NCAM2: variants seen among roughly 807,000 people sequenced by gnomAD.
The protein encoded by NCAM2 is neural cell adhesion molecule 2.
In NCAM2, 30 loss-of-function variants were observed where a neutral mutation model predicts 98.1. That is an observed-to-expected ratio of 0.31 (90% confidence interval 0.23 to 0.41). The LOEUF is 0.41. Ranked by LOEUF, NCAM2 falls within the 10% of genes least tolerant of loss-of-function variation. The probability of loss-of-function intolerance (pLI) is 1.00; values close to 1 mark genes in which losing one functional copy is unlikely to be tolerated. For synonymous variants in NCAM2, 368 were observed against 342.4 expected, an observed-to-expected ratio of 1.07 and a Z score of -0.83; for missense variants, 867 against 1,005.8, an observed-to-expected ratio of 0.86 and a Z score of 1.87.
At chr21:21,385,284 T>C (rs2076242977) in intron 9 of NCAM2, among the ~76,000 whole-genome samples, 1 of 151,886 alleles carries the variant, frequency 6.6e-6, no homozygotes, top group African/African-American at 2.4e-5. Context: ...ATTTACCTAT[T>C]AATAAAGCTC....
At chr21:21,288,890 G>A (rs1015621580) in intron 4 of NCAM2, among the ~76,000 whole-genome samples, 21 of 151,880 alleles carry the variant, frequency 1.4e-4, no homozygotes, top group African/African-American at 2.9e-4. Context: ...TTGTAGCTGC[G>A]TGGCAGATAT....
intron 1 of NCAM2, among the ~76,000 whole-genome samples, chr21:21,037,663 T>TA (rs987919838): frequency 1.4e-4 from 22 of 152,320 alleles, no homozygotes; most frequent in African/African-American, 5.3e-4. Context: ...AGGATTACCA[T>TA]AAACCAAAGC....
intron 1 of NCAM2, among the ~76,000 whole-genome samples, chr21:21,013,781 CAAAA>C (rs58879508): frequency 3.6e-5 from 5 of 140,186 alleles, no homozygotes; most frequent in East Asian, 2.0e-4. Flanking sequence ...AACTGCATCT[CAAAA>C]AAAAAAAAAG....
chr21:21,043,755 G>T (rs984855495), intron 1 of NCAM2, among the ~76,000 whole-genome samples: 2 of 150,562 alleles, frequency 1.3e-5, no homozygotes, highest in African/African-American at 4.9e-5. Context: ...CTCGGTAGGC[G>T]TGACAGGAGA....
intron 1 of NCAM2, among the ~76,000 whole-genome samples, chr21:21,279,637 G>A (rs1486516719): frequency 6.6e-6 from 1 of 152,128 alleles, no homozygotes; most frequent in African/African-American, 2.4e-5. Context: ...GATTACAGGC[G>A]TGGTCGTTAT....
At chr21:21,179,292 T>C (rs2068394052) in intron 1 of NCAM2, among the ~76,000 whole-genome samples, 1 of 152,118 alleles carries the variant, frequency 6.6e-6, no homozygotes, top group Admixed American at 6.5e-5. Context: ...ACTAACTATA[T>C]TTGCTGATTG....
At chr21:21,011,701 G>A (rs929508297) in intron 1 of NCAM2, among the ~76,000 whole-genome samples, 1 of 151,914 alleles carries the variant, frequency 6.6e-6, no homozygotes, top group African/African-American at 2.4e-5. Context: ...GACTAACTAT[G>A]GAATGGGAGA....
At position 21,508,943 on chromosome 21, in the gene NCAM2, T is replaced by A. The variant is rs774524092; in HGVS notation, c.2170T>A (p.Phe724Ile). The change falls in exon 16 of 18, where the codon TTC becomes ATC. Residue 724 changes from phenylalanine (F) to isoleucine (I), a missense_variant. Physicochemically the swap from Phe to Ile is conservative, Grantham distance 21. Around this residue, in one of 5 missense-constraint regions of NCAM2, gnomAD observed 234 missense variants for 333.8 expected, o/e 0.70. Transcript: ENST00000400546. ...TCTTGTGGTAACAGACGTCAGCTGCTTCTTTATTCGGCAATGTGGGTTGCT... is the reference window on the plus strand; with the variant it reads ...TCTTGTGGTAACAGACGTCAGCTGCATCTTTATTCGGCAATGTGGGTTGCT... ...LILVVTDVSC[F>I]FIRQCGLLMC... 6.2e-7 allele frequency: 1 copy of A among 1,613,234 alleles called. No homozygotes were observed. Among genetic ancestry groups the A allele is most frequent in the Non-Finnish European group, 8.5e-7 (1 of 1,179,732 alleles).
intron 1 of NCAM2, among the ~76,000 whole-genome samples, chr21:21,202,325 C>G (rs2069256143): frequency 6.7e-6 from 1 of 148,302 alleles, no homozygotes; most frequent in Admixed American, 6.8e-5. Flanking sequence ...TGCCTGGCAC[C>G]AAATAAATGC....
chr21:21,240,504 A>C (rs1601737026), intron 1 of NCAM2, among the ~76,000 whole-genome samples: 1 of 152,292 alleles, frequency 6.6e-6, no homozygotes, highest in Non-Finnish European at 1.5e-5. Flanking sequence ...TCTTTACCAG[A>C]GAGCCTCATG....
chr21:21,316,637 A>G (rs2074231117), intron 5 of NCAM2, among the ~76,000 whole-genome samples: 4 of 139,668 alleles, frequency 2.9e-5, no homozygotes. Context: ...TCTGCCTCCC[A>G]GGTTCAAGTG....
intron 12 of NCAM2, among the ~76,000 whole-genome samples, chr21:21,441,133 G>T (rs1979202714): frequency 6.6e-6 from 1 of 152,184 alleles, no homozygotes. Context: ...TTCAGCAGTA[G>T]TTAATATTTA....
chr21:21,091,767 G>A (rs2066016752), intron 1 of NCAM2, among the ~76,000 whole-genome samples: 2 of 151,922 alleles, frequency 1.3e-5, no homozygotes, highest in African/African-American at 4.8e-5. Flanking sequence ...CCAAAATAGA[G>A]CAATCATATA....
At chr21:21,069,059 C>T (rs2065503131) in intron 1 of NCAM2, among the ~76,000 whole-genome samples, 1 of 152,094 alleles carries the variant, frequency 6.6e-6, no homozygotes, top group African/African-American at 2.4e-5. Flanking sequence ...TGTACTCTAG[C>T]TAATTTGCAT....
At chr21:21,045,396 C>G (rs1276324526) in intron 1 of NCAM2, among the ~76,000 whole-genome samples, 2 of 152,158 alleles carry the variant, frequency 1.3e-5, no homozygotes, top group African/African-American at 4.8e-5. Flanking sequence ...GTAATTCCAG[C>G]ACTTTGGGAG....
chr21:21,416,078 G>A (rs1332288780), intron 10 of NCAM2, among the ~76,000 whole-genome samples: 1 of 152,084 alleles, frequency 6.6e-6, no homozygotes, highest in African/African-American at 2.4e-5. Context: ...GCTTCATCAT[G>A]TTTAGCTTTT....
chr21:21,228,332 A>G (rs2070473499), intron 1 of NCAM2, among the ~76,000 whole-genome samples: 1 of 151,628 alleles, frequency 6.6e-6, no homozygotes, highest in Non-Finnish European at 1.5e-5. Flanking sequence ...AAAGTTTTAC[A>G]ATCATGATAC....
At chr21:21,389,797 C>T (rs1476537489) in intron 9 of NCAM2, among the ~76,000 whole-genome samples, 2 of 152,192 alleles carry the variant, frequency 1.3e-5, no homozygotes, top group Non-Finnish European at 2.9e-5. Flanking sequence ...ACGTGTCTCA[C>T]ATTTTCTTTA....
chr21:21,036,924 A>C (rs2064812258), intron 1 of NCAM2, among the ~76,000 whole-genome samples: 1 of 152,218 alleles, frequency 6.6e-6, no homozygotes, highest in Admixed American at 6.5e-5. Flanking sequence ...TCACTAATAT[A>C]GGTTTTTCTC....
Sources: gnomAD v4.1 joint callset for allele counts (sites outside exome capture counted in the v4.1 genomes callset) on GRCh38, gnomAD v4.1.1 for gene constraint, gnomAD v4.1.1 regional missense constraint, MANE v1.5 for transcripts, NCBI Gene and HGNC (gene_info 2026-07-23, HGNC 2026-07-21) for gene names.